Variants in CBL observed in about 807,000 individuals in gnomAD.
CBL encodes E3 ubiquitin-protein ligase CBL.
A neutral mutation model predicts 96.9 loss-of-function variants in CBL; 45 were observed. That is an observed-to-expected ratio of 0.46 (90% CI 0.37 to 0.60). The LOEUF is 0.60. CBL is among the 20% of genes least tolerant of loss of function. The pLI is 0.00. For synonymous variants in CBL, 420 were observed against 426.8 expected (o/e 0.98, Z 0.20); for missense variants, 1,024 against 1,143.5 (o/e 0.90, Z 1.51).
intron 1 of CBL, among the ~76,000 whole-genome samples, chr11:119,221,552 G>C (rs986473382): frequency 1.3e-5 from 2 of 151,998 alleles, no homozygotes; most frequent in African/African-American, 4.8e-5. Flanking sequence ...TGGATCGCGA[G>C]GTCAGGAATT....
At chr11:119,257,362 G>A (rs1027330763) in intron 2 of CBL, among the ~76,000 whole-genome samples, 12 of 152,168 alleles carry the variant, frequency 7.9e-5, no homozygotes, top group African/African-American at 4.8e-5. Context: ...GATGATTAGT[G>A]ACGTTGATTA....
intron 2 of CBL, among the ~76,000 whole-genome samples, chr11:119,252,740 G>A (rs556223226): frequency 8.4e-4 from 118 of 140,680 alleles, no homozygotes; most frequent in Non-Finnish European, 1.4e-3. Context: ...TTAGCTGGGC[G>A]TGGTGGTAGG....
chr11:119,251,112 A>G (rs1223930138), intron 2 of CBL, among the ~76,000 whole-genome samples: 3 of 152,130 alleles, frequency 2.0e-5, no homozygotes, highest in African/African-American at 4.8e-5. Context: ...AATATTTATC[A>G]TGTGCTTGCT....
Position 119,306,285 on chromosome 11 carries a change from C to G in CBL, c.*6504C>G. 1 of 398,630 alleles carries G rather than the reference C, an allele frequency of 2.5e-6. No homozygotes were observed. 24.7% of individuals were successfully genotyped at this position (398,630 alleles called of 1,614,324 possible). A position where few individuals can be genotyped will look rare whatever the true frequency, so the allele number is the denominator to read the frequency against. Reference sequence around the variant, plus strand: ...CAGCCGACCACTCCCTGTGTTTGTACAGAGCAAAGCCCAAAAGCCAACCTC... The same window carrying G: ...CAGCCGACCACTCCCTGTGTTTGTAGAGAGCAAAGCCCAAAAGCCAACCTC... On this transcript the variant is annotated 3_prime_UTR_variant, in exon 16 of 16. Transcript: ENST00000264033.
chr11:119,237,815 G>A (rs545711757), intron 2 of CBL, among the ~76,000 whole-genome samples: 2 of 152,092 alleles, frequency 1.3e-5, no homozygotes, highest in Non-Finnish European at 2.9e-5. Context: ...GAATCAAGAA[G>A]TGTGAGTTCC....
intron 2 of CBL, among the ~76,000 whole-genome samples, chr11:119,261,203 C>G (rs190722856): frequency 2.0e-5 from 3 of 152,032 alleles, no homozygotes; most frequent in African/African-American, 7.3e-5. Flanking sequence ...CGTGAGCCAC[C>G]GCGCCTGGCC....
chr11:119,287,550 A>G (rs773586968), intron 11 of CBL, among the ~76,000 whole-genome samples: 2 of 152,226 alleles, frequency 1.3e-5, no homozygotes, highest in African/African-American at 4.8e-5. Context: ...GCGTTTGGAT[A>G]TAGATTATTT....
At chr11:119,242,598 C>CA (rs1565862334) in intron 2 of CBL, among the ~76,000 whole-genome samples, 1 of 144,012 alleles carries the variant, frequency 6.9e-6, no homozygotes, top group Non-Finnish European at 1.5e-5. Flanking sequence ...CCTGTCTCTA[C>CA]AAAAAATTTA....
At chr11:119,282,562 C>T (rs941834701) in intron 9 of CBL, among the ~76,000 whole-genome samples, 5 of 152,086 alleles carry the variant, frequency 3.3e-5, no homozygotes, top group Admixed American at 6.6e-5. Flanking sequence ...AATAGAGCAG[C>T]GTTGATGCTT....
At chr11:119,243,665 A>G (rs1288140319) in intron 2 of CBL, among the ~76,000 whole-genome samples, 1 of 152,150 alleles carries the variant, frequency 6.6e-6, no homozygotes, top group Non-Finnish European at 1.5e-5. Context: ...CCAAAATAAC[A>G]ACGGTAAGTA....
chr11:119,270,735 C>G, intron 2 of CBL, among the ~76,000 whole-genome samples: 1 of 151,988 alleles, frequency 6.6e-6, no homozygotes, highest in South Asian at 2.1e-4. Flanking sequence ...CGTGAGCCAC[C>G]GCGCCCGGCC....
At chr11:119,265,588 A>G (rs1370390910) in intron 2 of CBL, among the ~76,000 whole-genome samples, 1 of 152,116 alleles carries the variant, frequency 6.6e-6, no homozygotes, top group Admixed American at 6.5e-5. Context: ...CCCATCACAC[A>G]TAAAATAGAA....
rs1466292336 is a variant in CBL, at chr11:119,304,055, A to G, written c.*4274A>G. 2 of 233,574 alleles carry G rather than the reference A, an allele frequency of 8.6e-6. No homozygotes were observed. The highest frequency in any genetic ancestry group is 1.7e-5 in the Non-Finnish European group (2 of 118,070). The allele number at this position is 233,574 out of a possible 1,614,324, so 14.5% of individuals were successfully genotyped here. ...CTTTAGTCAGTTGTTGGGTCTTCCAAGAGCCAGACATTAATACAGATTGAA... is the reference window on the plus strand; with the variant it reads ...CTTTAGTCAGTTGTTGGGTCTTCCAGGAGCCAGACATTAATACAGATTGAA... On this transcript the variant is annotated 3_prime_UTR_variant, in exon 16 of 16. Coordinates refer to ENST00000264033, the MANE Select transcript of CBL (RefSeq NM_005188.4).
At chr11:119,293,227 C>T (rs1272110380) in intron 12 of CBL, among the ~76,000 whole-genome samples, 1 of 151,994 alleles carries the variant, frequency 6.6e-6, no homozygotes, top group Non-Finnish European at 1.5e-5. Context: ...GCCTCAGCCT[C>T]CTGAGTAGCT....
chr11:119,254,334 T>C (rs1949694813), intron 2 of CBL, among the ~76,000 whole-genome samples: 1 of 152,216 alleles, frequency 6.6e-6, no homozygotes, highest in Non-Finnish European at 1.5e-5. Flanking sequence ...CAACCATGTA[T>C]TGCTAACGAC....
At chr11:119,280,596 AT>A (rs1369063249) in intron 9 of CBL, among the ~76,000 whole-genome samples, 1 of 151,868 alleles carries the variant, frequency 6.6e-6, no homozygotes, top group South Asian at 2.1e-4. Context: ...ATGCACATGG[AT>A]TTTTTTTAAG....
Position 119,278,219 on chromosome 11 carries a change from A to G in CBL, c.1149A>G (p.Ile383Met), listed in dbSNP as rs2135303712. 1.2e-6 allele frequency: 2 copies of G among 1,611,906 alleles called. No homozygotes were observed. Among genetic ancestry groups the G allele is most frequent in the Non-Finnish European group, 1.7e-6 (2 of 1,177,958 alleles). ...EMGSTFQLCK[I>M]CAENDKDVKI... ...GCTCCACATTCCAACTATGTAAAAT[A>G]TGTGCTGAAAATGATAAGGATGTAA... The change falls in exon 8 of 16, where the codon ATA becomes ATG. Residue 383 changes from isoleucine to methionine, a missense_variant. Coordinates refer to ENST00000264033, the MANE Select transcript of CBL (RefSeq NM_005188.4).
At chr11:119,267,213 CT>C (rs772877140) in intron 2 of CBL, among the ~76,000 whole-genome samples, 26 of 152,148 alleles carry the variant, frequency 1.7e-4, no homozygotes, top group Non-Finnish European at 3.2e-4. Flanking sequence ...TGTAAGCAGG[CT>C]TTTTGGAGGG....
Position 119,300,051 on chromosome 11 carries a change from C to T in CBL, c.*270C>T. 5.2e-6 allele frequency: 3 copies of T among 578,066 alleles called. No homozygotes were observed. Among genetic ancestry groups the T allele is most frequent in the Non-Finnish European group, 6.2e-6 (2 of 324,022 alleles). The allele number at this position is 578,066 out of a possible 1,614,324, so 35.8% of individuals were successfully genotyped here. A position where few individuals can be genotyped will look rare whatever the true frequency, so the allele number is the denominator to read the frequency against. On this transcript the variant is annotated 3_prime_UTR_variant, in exon 16 of 16. Transcript: ENST00000264033. ...AGTGTGGATTATATTACATGATAACCTACCTGGGGAACAGTCCAGAAAGCT... is the reference window on the plus strand; with the variant it reads ...AGTGTGGATTATATTACATGATAACTTACCTGGGGAACAGTCCAGAAAGCT...
Sources: gnomAD v4.1 joint callset for allele counts (sites outside exome capture counted in the v4.1 genomes callset) on GRCh38, gnomAD v4.1.1 for gene constraint, MANE v1.5 for transcripts, NCBI Gene and HGNC (gene_info 2026-07-23, HGNC 2026-07-21) for gene names.